Variants in CA10 observed in about 807,000 individuals in gnomAD.
CA10 encodes carbonic anhydrase-related protein 10.
Under a neutral mutation model 44.2 loss-of-function variants are expected in CA10, and 14 were observed. The observed-to-expected ratio is 0.32, with a 90% CI of 0.21 to 0.50. The LOEUF is 0.50. CA10 is among the 20% of genes least tolerant of loss of function. The pLI, the probability that CA10 is intolerant of heterozygous loss-of-function variation, is 0.99. For synonymous variants in CA10, 159 were observed against 141.6 expected, an observed-to-expected ratio of 1.12 and a Z score of -0.87; for missense variants, 350 against 409.7, an observed-to-expected ratio of 0.85 and a Z score of 1.26.
At chr17:51,773,090 C>T (rs1165809253) in intron 3 of CA10, among the ~76,000 whole-genome samples, 2 of 152,320 alleles carry the variant, frequency 1.3e-5, no homozygotes, top group East Asian at 3.9e-4. Flanking sequence ...TCCTACCTGA[C>T]TAACATATTG....
rs145041226 is a variant in CA10, at chr17:52,045,136, G to A, written c.136+27183C>T. ...TGCTAGTAAACTTACTTAAAACTAC[G>A]CAAAACAAAACTAACTGATGCAATA... On this transcript the variant is annotated intron_variant, in intron 2 of 8. Transcript: ENST00000451037. 6.8e-3 allele frequency among the ~76,000 whole-genome samples: 1,031 copies of A among 151,364 alleles called. 13 individuals are homozygous for A. The highest frequency in any genetic ancestry group is 0.024 in the African/African-American group (981 of 41,334).
At chr17:51,966,180 G>T (rs148412361) in intron 2 of CA10, among the ~76,000 whole-genome samples, 1 of 151,766 alleles carries the variant, frequency 6.6e-6, no homozygotes, top group Non-Finnish European at 1.5e-5. Flanking sequence ...TCTACAACAA[G>T]AACTTCAAAA....
chr17:51,827,645 T>C (rs28680623), intron 3 of CA10, among the ~76,000 whole-genome samples: 2,765 of 152,278 alleles, frequency 0.018, 90 homozygotes, highest in African/African-American at 0.063. Flanking sequence ...TATAGATGAT[T>C]AATCTCTTGC....
At chr17:51,698,228 A>G (rs1259777481) in intron 4 of CA10, among the ~76,000 whole-genome samples, 2 of 152,224 alleles carry the variant, frequency 1.3e-5, no homozygotes, top group Admixed American at 6.5e-5. Flanking sequence ...CTAGAAACTC[A>G]GAAAATGCTC....
At chr17:51,776,585 C>G (rs1905829773) in intron 3 of CA10, among the ~76,000 whole-genome samples, 1 of 151,996 alleles carries the variant, frequency 6.6e-6, no homozygotes. Context: ...AACTTGAGTA[C>G]CAGATTTTCT....
At chr17:51,647,855 A>G (rs544253177) in intron 6 of CA10, among the ~76,000 whole-genome samples, 1 of 152,280 alleles carries the variant, frequency 6.6e-6, no homozygotes, top group African/African-American at 2.4e-5. Flanking sequence ...TAAGAATACT[A>G]ATGAGAAAAG....
At chr17:52,052,592 A>C (rs368386916) in intron 2 of CA10, among the ~76,000 whole-genome samples, 7 of 152,216 alleles carry the variant, frequency 4.6e-5, no homozygotes, top group African/African-American at 1.7e-4. Context: ...AGGAATTTTG[A>C]GGAGTTTTCA....
intron 2 of CA10, among the ~76,000 whole-genome samples, chr17:51,997,557 G>C (rs1289829280): frequency 6.6e-6 from 1 of 151,960 alleles, no homozygotes; most frequent in Non-Finnish European, 1.5e-5. Flanking sequence ...TTGAGACAAA[G>C]AAGGAAAAAA....
At chr17:52,147,545 C>G (rs1989616088) in intron 1 of CA10, among the ~76,000 whole-genome samples, 1 of 149,600 alleles carries the variant, frequency 6.7e-6, no homozygotes, top group Non-Finnish European at 1.5e-5. Flanking sequence ...GCATGTGGCT[C>G]TCATTCAACC....
At chr17:52,005,153 G>T (rs1985554552) in intron 2 of CA10, among the ~76,000 whole-genome samples, 1 of 151,726 alleles carries the variant, frequency 6.6e-6, no homozygotes, top group Non-Finnish European at 1.5e-5. Context: ...ATAAAATGTA[G>T]GAAAATACAA....
intron 2 of CA10, among the ~76,000 whole-genome samples, chr17:51,938,365 C>CAGA (rs1403100315): frequency 4.6e-5 from 7 of 152,154 alleles, no homozygotes; most frequent in African/African-American, 1.7e-4. Context: ...AGGATCCAGG[C>CAGA]AGAAGGGTAC....
chr17:52,090,495 A>T (rs899871176), intron 1 of CA10, among the ~76,000 whole-genome samples: 1 of 152,150 alleles, frequency 6.6e-6, no homozygotes. Context: ...AAATATCAAA[A>T]TCTACAGCAA....
Position 51,734,826 on chromosome 17 carries a change from G to A in CA10, c.465+12807C>T, listed in dbSNP as rs73987188. On this transcript the variant is annotated intron_variant, in intron 4 of 8. Transcript: ENST00000451037. Reference sequence around the variant, plus strand: ...TCTGAGATGGGGTAATTTATAAAGAGCAGAAATTTATTTTTCACCGTTCTG... The same window carrying A: ...TCTGAGATGGGGTAATTTATAAAGAACAGAAATTTATTTTTCACCGTTCTG... Among the ~76,000 whole-genome samples the A allele has an allele frequency of 9.2e-4, 140 of 152,270 alleles. 1 individual carries two copies. Among genetic ancestry groups the A allele is most frequent in the African/African-American group, 3.2e-3 (133 of 41,552 alleles).
intron 2 of CA10, among the ~76,000 whole-genome samples, chr17:52,002,723 T>C (rs1385750347): frequency 2.6e-5 from 4 of 151,974 alleles, no homozygotes; most frequent in Non-Finnish European, 5.9e-5. Flanking sequence ...AGGAAGTATA[T>C]CCATTAAGCT....
chr17:52,004,935 G>T (rs1290248766), intron 2 of CA10, among the ~76,000 whole-genome samples: 1 of 151,844 alleles, frequency 6.6e-6, no homozygotes, highest in Non-Finnish European at 1.5e-5. Flanking sequence ...TCCAAAGCTA[G>T]GTCAAGAACA....
intron 2 of CA10, among the ~76,000 whole-genome samples, chr17:51,933,458 G>T (rs1312200630): frequency 1.3e-5 from 2 of 152,052 alleles, no homozygotes; most frequent in Admixed American, 1.3e-4. Flanking sequence ...AGCTGGAAGA[G>T]GCAAGACAAT....
intron 3 of CA10, among the ~76,000 whole-genome samples, chr17:51,924,484 T>C (rs1242772139): frequency 6.6e-6 from 1 of 152,212 alleles, no homozygotes; most frequent in African/African-American, 2.4e-5. Context: ...GAAACTTCCA[T>C]GTAGATACAC....
intron 4 of CA10, among the ~76,000 whole-genome samples, chr17:51,710,379 C>T (rs528940665): frequency 4.2e-4 from 64 of 152,208 alleles, no homozygotes; most frequent in African/African-American, 1.5e-3. Context: ...GAGGAGCTCC[C>T]TGAGCTGTTT....
Position 51,631,342 on chromosome 17 carries a change from G to A in CA10, c.*242C>T. On this transcript the variant is annotated 3_prime_UTR_variant, in exon 9 of 9. Transcript: ENST00000451037. ...GTTGTAAGAGTGTGTGTGTGTGTAG[G>A]TATGTTTGCATGTGTTTGTATGTAT... 1.8e-6 allele frequency: 1 copy of A among 550,894 alleles called. No homozygotes were observed. The highest frequency in any genetic ancestry group is 3.3e-6 in the Non-Finnish European group (1 of 306,282). The allele number at this position is 550,894 out of a possible 1,614,324, so 34.1% of individuals were successfully genotyped here. A position where few individuals can be genotyped will look rare whatever the true frequency, so the allele number is the denominator to read the frequency against.
Sources: gnomAD v4.1 joint callset for allele counts (sites outside exome capture counted in the v4.1 genomes callset) on GRCh38, gnomAD v4.1.1 for gene constraint, MANE v1.5 for transcripts, NCBI Gene and HGNC (gene_info 2026-07-23, HGNC 2026-07-21) for gene names.